The following DGKI variants were observed in gnomAD, a reference collection of about 807,000 sequenced individuals.
DGKI encodes DAG kinase iota.
In DGKI, 55 loss-of-function variants were observed where a neutral mutation model predicts 147.5. That is an observed-to-expected ratio of 0.37 (90% CI 0.30 to 0.47). The LOEUF (loss-of-function observed/expected upper bound fraction) is 0.47, where lower values mean the gene tolerates loss of function less well. Ranked by LOEUF, DGKI falls within the 20% of genes least tolerant of loss-of-function variation. DGKI has a pLI of 1.00. For synonymous variants in DGKI, 469 were observed against 477.1 expected, an observed-to-expected ratio of 0.98 and a Z score of 0.22; for missense variants, 1,007 against 1,323.8, an observed-to-expected ratio of 0.76 and a Z score of 3.71.
At chr7:137,614,988 A>G (rs1820481181) in intron 8 of DGKI, among the ~76,000 whole-genome samples, 1 of 152,102 alleles carries the variant, frequency 6.6e-6, no homozygotes, top group African/African-American at 2.4e-5. Context: ...TTTAAGGCCT[A>G]CCACAAATGG....
chr7:137,588,608 C>T (rs1274504442), intron 12 of DGKI, among the ~76,000 whole-genome samples: 1 of 151,926 alleles, frequency 6.6e-6, no homozygotes, highest in Non-Finnish European at 1.5e-5. Context: ...TCCCAAGTAG[C>T]CGGGACTACA....
intron 22 of DGKI, among the ~76,000 whole-genome samples, chr7:137,487,050 G>C (rs1815590909): frequency 6.6e-6 from 1 of 151,966 alleles, no homozygotes; most frequent in African/African-American, 2.4e-5. Flanking sequence ...GGCTTTGCTG[G>C]TGCAGTTCAC....
chr7:137,818,134 A>G (rs1783413932), intron 1 of DGKI, among the ~76,000 whole-genome samples: 1 of 152,216 alleles, frequency 6.6e-6, no homozygotes, highest in Admixed American at 6.5e-5. Context: ...AAAACCTTCT[A>G]AGACAAAATT....
intron 15 of DGKI, among the ~76,000 whole-genome samples, chr7:137,579,181 T>C (rs1313081888): frequency 6.6e-6 from 1 of 152,164 alleles, no homozygotes; most frequent in Non-Finnish European, 1.5e-5. Flanking sequence ...TGAGCCTTTG[T>C]GTTACCCTTT....
Position 137,641,033 on chromosome 7 carries a change from C to T in DGKI, c.804+4439G>A, listed in dbSNP as rs114031002. Among the ~76,000 whole-genome samples, 1,177 of 152,204 alleles carry T rather than the reference C, an allele frequency of 7.7e-3. 15 individuals are homozygous for T. The highest frequency in any genetic ancestry group is 0.027 in the African/African-American group (1,117 of 41,512). The stretch of plus-strand genomic sequence containing the variant: ...ATTCCTACATGTCATGGGAGGAACC[C>T]GGTGGCAGGTGATTGAATTATGGGG... On this transcript the variant is annotated intron_variant, in intron 6 of 32. Transcript: ENST00000614521.
chr7:137,708,944 G>GA (rs1451394056), intron 1 of DGKI, among the ~76,000 whole-genome samples: 3 of 152,024 alleles, frequency 2.0e-5, no homozygotes, highest in African/African-American at 7.2e-5. Flanking sequence ...TAAAGGTTTT[G>GA]AAAAAGGCAT....
chr7:137,478,299 C>T lies in DGKI; in HGVS notation c.2373+7075G>A, dbSNP rs1312112014. Among the ~76,000 whole-genome samples the T allele has an allele frequency of 3.9e-5, 6 of 152,262 alleles. No individual in the cohort carries two copies. The South Asian group carries it at 8.3e-4, about 21-fold the overall frequency. On this transcript the variant is annotated intron_variant, in intron 23 of 32. Coordinates refer to ENST00000614521, the MANE Select transcript of DGKI (RefSeq NM_001321708.2). ...TCAGACAGGAATTCACAATTTACCG[C>T]GATAGTCCATAAACTTTTTATGCTC... is the stretch of plus-strand genomic sequence containing the variant.
At chr7:137,678,771 C>A in intron 2 of DGKI, 119 bp from the exon 3 acceptor site, 1 of 837,248 alleles carries the variant, frequency 1.2e-6, no homozygotes, top group African/African-American at 1.7e-5. Context: ...AAACATTTCT[C>A]ATTTGACCAC....
At chr7:137,430,382 C>G (rs1813014898) in intron 28 of DGKI, among the ~76,000 whole-genome samples, 1 of 135,942 alleles carries the variant, frequency 7.4e-6, no homozygotes, top group Non-Finnish European at 1.5e-5. Context: ...GGAAGGGGAA[C>G]ATCACACTCT....
intron 23 of DGKI, among the ~76,000 whole-genome samples, chr7:137,471,863 T>C (rs1376857299): frequency 6.8e-6 from 1 of 147,272 alleles, no homozygotes; most frequent in African/African-American, 2.5e-5. Context: ...AGAGATACTA[T>C]ATAATATATA....
At chr7:137,559,684 C>G (rs1266708383) in intron 19 of DGKI, among the ~76,000 whole-genome samples, 1 of 151,550 alleles carries the variant, frequency 6.6e-6, no homozygotes, top group African/African-American at 2.4e-5. Flanking sequence ...AGATTCTAGT[C>G]ACTACCAAAG....
At chr7:137,694,250 G>A (rs777469180) in intron 1 of DGKI, among the ~76,000 whole-genome samples, 61 of 151,842 alleles carry the variant, frequency 4.0e-4, no homozygotes, top group African/African-American at 7.3e-4. Context: ...GAACCCCAGG[G>A]GGCGGAGCCT....
intron 3 of DGKI, among the ~76,000 whole-genome samples, chr7:137,660,244 C>G (rs1244330006): frequency 6.6e-6 from 1 of 151,938 alleles, no homozygotes; most frequent in Non-Finnish European, 1.5e-5. Context: ...GGAACATATC[C>G]GTTTAAACTA....
chr7:137,820,950 C>A (rs1224257954), intron 1 of DGKI, among the ~76,000 whole-genome samples: 1 of 152,162 alleles, frequency 6.6e-6, no homozygotes, highest in African/African-American at 2.4e-5. Context: ...CTCCCCTCCT[C>A]CCCTGGGGCC....
intron 2 of DGKI, among the ~76,000 whole-genome samples, chr7:137,683,927 T>A (rs994053559): frequency 1.3e-5 from 2 of 152,224 alleles, no homozygotes; most frequent in Non-Finnish European, 2.9e-5. Context: ...ATTCTAGTAA[T>A]GGTTACAGGC....
intron 21 of DGKI, among the ~76,000 whole-genome samples, chr7:137,507,010 G>T (rs1816391468): frequency 1.3e-5 from 2 of 152,128 alleles, no homozygotes; most frequent in Admixed American, 1.3e-4. Context: ...GAATCAGTTT[G>T]CAATATGGTA....
At chr7:137,609,151 A>G (rs1166413872) in intron 9 of DGKI, 87 bp from the exon 10 acceptor site, 3 of 1,004,396 alleles carry the variant, frequency 3.0e-6, no homozygotes, top group Non-Finnish European at 4.6e-6. Flanking sequence ...ACCACCCAAT[A>G]ATACATTTTG....
chr7:137,409,081 G>A (rs1812068052), intron 29 of DGKI, among the ~76,000 whole-genome samples: 1 of 152,116 alleles, frequency 6.6e-6, no homozygotes, highest in African/African-American at 2.4e-5. Context: ...ATATTAAATA[G>A]TTTTAAATAG....
intron 6 of DGKI, among the ~76,000 whole-genome samples, chr7:137,628,206 A>G (rs1025031100): frequency 2.0e-5 from 3 of 152,286 alleles, no homozygotes; most frequent in African/African-American, 4.8e-5. Flanking sequence ...TTGGGAGAGA[A>G]TAGATACAAT....
Sources: gnomAD v4.1 joint callset for allele counts (sites outside exome capture counted in the v4.1 genomes callset) on GRCh38, gnomAD v4.1.1 for gene constraint, MANE v1.5 for transcripts, NCBI Gene and HGNC (gene_info 2026-07-23, HGNC 2026-07-21) for gene names.